Variants in DPP10 observed in about 807,000 individuals in gnomAD.
DPP10 encodes the protein dipeptidyl peptidase like 10.
A neutral mutation model predicts 120.9 loss-of-function variants in DPP10; 33 were observed. The ratio of observed to expected loss-of-function variants is 0.27; its 90% CI spans 0.21 to 0.37. The LOEUF (loss-of-function observed/expected upper bound fraction) is 0.37, where lower values mean the gene tolerates loss of function less well. Ranked by LOEUF, DPP10 falls within the 10% of genes least tolerant of loss-of-function variation. The pLI, the probability that DPP10 is intolerant of heterozygous loss-of-function variation, is 1.00. For missense variants in DPP10, 816 were observed against 942.8 expected, an observed-to-expected ratio of 0.87 and a Z score of 1.76; for synonymous variants, 337 against 326.1, an observed-to-expected ratio of 1.03 and a Z score of -0.36.
intron 1 of DPP10, among the ~76,000 whole-genome samples, chr2:115,154,482 T>C (rs72837542): frequency 0.013 from 1,904 of 152,248 alleles, 17 homozygotes; most frequent in Non-Finnish European, 0.02. Context: ...TGAATCTTGA[T>C]ATTCAGAGGA....
intron 1 of DPP10, among the ~76,000 whole-genome samples, chr2:115,187,196 C>T (rs1432609976): frequency 6.7e-6 from 1 of 150,354 alleles, no homozygotes; most frequent in Non-Finnish European, 1.5e-5. Flanking sequence ...GCCACCACGC[C>T]CGGCTAATTT....
chr2:115,518,584 T>G (rs1004781162), intron 4 of DPP10, among the ~76,000 whole-genome samples: 5 of 152,076 alleles, frequency 3.3e-5, no homozygotes, highest in African/African-American at 1.2e-4. Flanking sequence ...GTAACCATTA[T>G]TTTTCTTACA....
chr2:114,779,687 G>C (rs1480177499), intron 1 of DPP10, among the ~76,000 whole-genome samples: 1 of 152,114 alleles, frequency 6.6e-6, no homozygotes, highest in Non-Finnish European at 1.5e-5. Context: ...TAATATTCTG[G>C]TGTTAAGGAT....
chr2:114,889,126 G>A (rs546460811), intron 1 of DPP10, among the ~76,000 whole-genome samples: 2 of 152,262 alleles, frequency 1.3e-5, no homozygotes, highest in African/African-American at 4.8e-5. Context: ...GAGAGAGGCT[G>A]CAGAAGAGCT....
At chr2:115,771,462 T>C (rs1194218350) in intron 13 of DPP10, among the ~76,000 whole-genome samples, 1 of 152,222 alleles carries the variant, frequency 6.6e-6, no homozygotes, top group Non-Finnish European at 1.5e-5. Flanking sequence ...TAAAAGCCCT[T>C]ATAAACACTT....
intron 1 of DPP10, among the ~76,000 whole-genome samples, chr2:114,908,854 ATAT>A (rs1694162742): frequency 6.6e-6 from 1 of 151,694 alleles, no homozygotes; most frequent in Admixed American, 6.6e-5. Flanking sequence ...GATCCTGATA[ATAT>A]TATTATTTTA....
At chr2:115,449,302 TA>T (rs1270541285) in intron 3 of DPP10, among the ~76,000 whole-genome samples, 2 of 152,082 alleles carry the variant, frequency 1.3e-5, no homozygotes, top group African/African-American at 2.4e-5. Context: ...GAAATGTTAA[TA>T]AAACAGTAAG....
intron 12 of DPP10, among the ~76,000 whole-genome samples, chr2:115,766,851 T>C (rs1680821556): frequency 6.6e-6 from 1 of 152,106 alleles, no homozygotes; most frequent in Non-Finnish European, 1.5e-5. Flanking sequence ...TAATAACTCA[T>C]TCACTCACTG....
At chr2:115,403,381 C>CTTTTTTTT (rs78116780) in intron 3 of DPP10, among the ~76,000 whole-genome samples, 16 of 118,462 alleles carry the variant, frequency 1.4e-4, no homozygotes, top group African/African-American at 4.6e-4. Flanking sequence ...TTCTTTCCTT[C>CTTTTTTTT]TTTTTTTTTT....
chr2:115,428,724 A>T (rs561613296), intron 3 of DPP10, among the ~76,000 whole-genome samples: 3 of 152,214 alleles, frequency 2.0e-5, no homozygotes, highest in Admixed American at 2.0e-4. Flanking sequence ...GCACTTGAAC[A>T]TAAATTTAAC....
intron 1 of DPP10, among the ~76,000 whole-genome samples, chr2:114,962,013 A>G (rs1366256695): frequency 6.6e-6 from 1 of 152,276 alleles, no homozygotes; most frequent in Non-Finnish European, 1.5e-5. Context: ...ATTAATTACT[A>G]TAGTTGCTGC....
chr2:115,327,166 C>T (rs1210989346), intron 2 of DPP10, among the ~76,000 whole-genome samples: 1 of 152,024 alleles, frequency 6.6e-6, no homozygotes, highest in African/African-American at 2.4e-5. Flanking sequence ...ATTTTCAGTG[C>T]ACTAACAGGC....
intron 4 of DPP10, among the ~76,000 whole-genome samples, chr2:115,500,348 G>A (rs1451915894): frequency 1.3e-5 from 2 of 151,836 alleles, no homozygotes; most frequent in Non-Finnish European, 2.9e-5. Flanking sequence ...CTGCCAATTA[G>A]ATGAATGTAT....
rs2149066816 is a variant in DPP10, at chr2:115,565,347, T to A, written c.441+39375T>A. 2.0e-5 allele frequency among the ~76,000 whole-genome samples: 3 copies of A among 152,332 alleles called. No homozygotes were observed. In the Middle Eastern group the frequency reaches 0.01, roughly 518 times the overall value. Reference sequence around the variant, plus strand: ...ACATACATTAATATATAGCTATTTTTTCTGAACCAACTGAGAATAAGTTGC... The same window carrying A: ...ACATACATTAATATATAGCTATTTTATCTGAACCAACTGAGAATAAGTTGC... On this transcript the variant is annotated intron_variant, in intron 5 of 25. Coordinates refer to ENST00000410059, the MANE Select transcript of DPP10 (RefSeq NM_020868.6).
chr2:115,120,126 A>G (rs1047101163), intron 1 of DPP10, among the ~76,000 whole-genome samples: 13 of 152,210 alleles, frequency 8.5e-5, no homozygotes, highest in African/African-American at 2.7e-4. Context: ...TTGTTGTTGC[A>G]TAGTTGTTAA....
At chr2:114,453,715 C>A (rs1037169037) in intron 1 of DPP10, among the ~76,000 whole-genome samples, 5 of 152,104 alleles carry the variant, frequency 3.3e-5, no homozygotes, top group African/African-American at 9.7e-5. Flanking sequence ...AGAGCAAAAC[C>A]CATTCCCCCT....
At chr2:115,121,974 G>T (rs940433151) in intron 1 of DPP10, among the ~76,000 whole-genome samples, 5 of 152,126 alleles carry the variant, frequency 3.3e-5, no homozygotes, top group African/African-American at 7.2e-5. Context: ...CCCAGGTTTG[G>T]GTATGCATCG....
chr2:114,513,953 A>T (rs918368074), intron 1 of DPP10, among the ~76,000 whole-genome samples: 3 of 152,150 alleles, frequency 2.0e-5, no homozygotes, highest in Admixed American at 2.0e-4. Context: ...AGTAAAATTG[A>T]CTCTAAGTGC....
intron 5 of DPP10, among the ~76,000 whole-genome samples, chr2:115,633,103 A>G (rs1455431108): frequency 6.6e-6 from 1 of 152,216 alleles, no homozygotes; most frequent in African/African-American, 2.4e-5. Flanking sequence ...AGGATTATAA[A>G]TCATGCTGCT....
Sources: gnomAD v4.1 joint callset for allele counts (sites outside exome capture counted in the v4.1 genomes callset) on GRCh38, gnomAD v4.1.1 for gene constraint, MANE v1.5 for transcripts, NCBI Gene and HGNC (gene_info 2026-07-23, HGNC 2026-07-21) for gene names.